Variants in HLCS observed in about 807,000 individuals in gnomAD.
HLCS encodes holocarboxylase synthetase.
HLCS carries 53 observed loss-of-function variants against 75.0 expected under a neutral mutation model. The observed-to-expected ratio is 0.71, with a 90% confidence interval of 0.57 to 0.89. The LOEUF is 0.89. HLCS is among the 40% of genes least tolerant of loss of function. The probability of loss-of-function intolerance (pLI) is 0.00; values close to 1 mark genes in which losing one functional copy is unlikely to be tolerated. For synonymous variants in HLCS, 431 were observed against 428.6 expected (o/e 1.01, Z -0.07); for missense variants, 966 against 1,074.0 (o/e 0.90, Z 1.41).
chr21:36,966,823 G>C (rs971710898), upstream of HLCS, among the ~76,000 whole-genome samples: 4 of 147,330 alleles, frequency 2.7e-5, no homozygotes, highest in African/African-American at 4.9e-5. Context: ...GGAGGGGCGG[G>C]GGGGGGTGAG....
chr21:36,847,536 G>T (rs181649383), intron 6 of HLCS, among the ~76,000 whole-genome samples: 1 of 151,858 alleles, frequency 6.6e-6, no homozygotes, highest in African/African-American at 2.4e-5. Context: ...GATATCTAAG[G>T]TACTGTCAAT....
chr21:36,799,455 T>C (rs1274464323), intron 6 of HLCS, among the ~76,000 whole-genome samples: 7 of 152,188 alleles, frequency 4.6e-5, no homozygotes, highest in Non-Finnish European at 8.8e-5. Context: ...TATGTAAAAA[T>C]TATATCTGAG....
upstream of HLCS, among the ~76,000 whole-genome samples, chr21:36,968,175 G>T (rs749329658): frequency 2.6e-5 from 4 of 152,072 alleles, no homozygotes; most frequent in African/African-American, 9.7e-5. Context: ...TTTTCATAGA[G>T]ACAGGGTCTC....
chr21:36,757,809 C>A (rs973767181), intron 9 of HLCS, among the ~76,000 whole-genome samples: 3 of 152,194 alleles, frequency 2.0e-5, no homozygotes, highest in African/African-American at 7.2e-5. Flanking sequence ...CTCACGTATT[C>A]ATTCATTCAA....
intron 5 of HLCS, among the ~76,000 whole-genome samples, chr21:36,922,867 A>C (rs1255500110): frequency 6.6e-6 from 1 of 152,252 alleles, no homozygotes; most frequent in East Asian, 1.9e-4. Flanking sequence ...CGGCATTCTC[A>C]AATCATTAGC....
chr21:36,754,348 GCCAGAATCGT>G lies in HLCS; in HGVS notation c.2510_2519del (p.Asp837AlafsTer13). 6.2e-7 allele frequency: 1 copy of G among 1,614,062 alleles called. No individual in the cohort carries two copies. Among genetic ancestry groups the G allele is most frequent in the Non-Finnish European group, 8.5e-7 (1 of 1,179,980 alleles). ...CGCCCTCCTGGTGAACCTGGAGGAA[GCCAGAATCGT>G]CCAGGCCAACGATGGACACCTTTGG... On this transcript the variant is annotated frameshift_variant, in exon 11 of 11. Coordinates refer to ENST00000674895, the MANE Select transcript of HLCS (RefSeq NM_001352514.2). LOFTEE classifies it high-confidence loss of function.
intron 6 of HLCS, among the ~76,000 whole-genome samples, chr21:36,810,528 A>G (rs373290880): frequency 2.0e-5 from 3 of 152,124 alleles, no homozygotes; most frequent in African/African-American, 4.8e-5. Context: ...CCTTGTCCCA[A>G]CGAGGTTCTC....
At chr21:36,967,711 C>T (rs960828457), upstream of HLCS, among the ~76,000 whole-genome samples, 1 of 152,192 alleles carries the variant, frequency 6.6e-6, no homozygotes, top group Non-Finnish European at 1.5e-5. Context: ...ATGTCTTAAT[C>T]TAAGGATAGT....
chr21:36,775,906 C>T (rs188835559), intron 6 of HLCS, among the ~76,000 whole-genome samples: 5 of 152,300 alleles, frequency 3.3e-5, no homozygotes, highest in African/African-American at 1.2e-4. Flanking sequence ...CAACTGGTCA[C>T]CTGGAATTCA....
At chr21:36,815,215 G>C (rs1280344663) in intron 6 of HLCS, among the ~76,000 whole-genome samples, 1 of 152,030 alleles carries the variant, frequency 6.6e-6, no homozygotes, top group Non-Finnish European at 1.5e-5. Context: ...TTTTAGTAGA[G>C]ACGGGGTTTC....
chr21:36,808,800 A>G (rs8132325), intron 6 of HLCS, among the ~76,000 whole-genome samples: 23,574 of 152,250 alleles, frequency 0.15, 1,982 homozygotes, highest in Non-Finnish European at 0.18. Context: ...CCTTTAACTG[A>G]AAGAAGTTCC....
chr21:36,878,032 C>T (rs891931839), intron 6 of HLCS, among the ~76,000 whole-genome samples: 2 of 151,840 alleles, frequency 1.3e-5, no homozygotes, highest in African/African-American at 2.4e-5. Flanking sequence ...CTTTGGTCTG[C>T]AGCAGTTGGA....
In HLCS at chr21:36,937,280, C is replaced by G. The variant is rs751290857; in HGVS notation, c.606G>C (p.Gln202His). 19 of 1,614,108 alleles carry G rather than the reference C, an allele frequency of 1.2e-5. No individual in the cohort carries two copies. The highest frequency in any genetic ancestry group is 1.4e-5 in the Non-Finnish European group (16 of 1,180,006). The stretch of plus-strand genomic sequence containing the variant: ...CTCTGCCAACATGCTCCATACCGTC[C>G]TGCTCAGGCTTAATCTCAAGAGAAG... The part of the protein sequence containing the change: ...PEPSLEIKPE[Q>H]DGMEHVGRDD... Residue 202 changes from glutamine (Q) to histidine (H), a missense_variant, in exon 4 of 11, where the codon CAG becomes CAC. Physicochemically the swap from Gln to His is conservative, Grantham distance 24. Coordinates refer to ENST00000674895, the MANE Select transcript of HLCS (RefSeq NM_001352514.2).
chr21:36,803,423 T>C (rs1236657633), intron 6 of HLCS, among the ~76,000 whole-genome samples: 1 of 152,234 alleles, frequency 6.6e-6, no homozygotes, highest in Non-Finnish European at 1.5e-5. Context: ...TTGTATGCAG[T>C]ATTAAATCTG....
chr21:36,838,722 A>G lies in HLCS; in HGVS notation c.1892+58138T>C, dbSNP rs550230438. ...CCGTCTCAAAAGAAAAAAAAAAAAA[A>G]AGAGAGAGACAGAAAAGGAGAAGAC... On this transcript the variant is annotated intron_variant, in intron 6 of 10. Coordinates refer to ENST00000674895, the MANE Select transcript of HLCS (RefSeq NM_001352514.2). 9.1e-4 allele frequency among the ~76,000 whole-genome samples: 138 copies of G among 151,672 alleles called. 2 individuals are homozygous for G. Among genetic ancestry groups the G allele is most frequent in the African/African-American group, 3.0e-3 (123 of 41,328 alleles).
intron 6 of HLCS, among the ~76,000 whole-genome samples, chr21:36,815,823 C>T (rs182656668): frequency 2.0e-5 from 3 of 152,286 alleles, no homozygotes; most frequent in Admixed American, 6.5e-5. Flanking sequence ...AGGGCAAATA[C>T]ATGAGATTTT....
intron 1 of HLCS, chr21:36,973,935 G>A (rs1347542238): frequency 6.6e-6 from 1 of 152,524 alleles, no homozygotes; most frequent in African/African-American, 2.4e-5. Context: ...AGGTTGCAGT[G>A]AGCCAAGATC....
intron 5 of HLCS, among the ~76,000 whole-genome samples, chr21:36,902,791 C>T (rs7276185): frequency 7.3e-5 from 11 of 151,718 alleles, no homozygotes; most frequent in East Asian, 5.8e-4. Flanking sequence ...TTGAGCACCA[C>T]GGAAGGTCAG....
intron 2 of HLCS, chr21:36,948,033 T>C (rs2067485985): frequency 1.0e-6 from 1 of 967,792 alleles, no homozygotes; most frequent in African/African-American, 1.8e-5. Context: ...GGCTCACACC[T>C]GTAATCCCAG....
Sources: gnomAD v4.1 joint callset for allele counts (sites outside exome capture counted in the v4.1 genomes callset) on GRCh38, gnomAD v4.1.1 for gene constraint, MANE v1.5 for transcripts, NCBI Gene and HGNC (gene_info 2026-07-23, HGNC 2026-07-21) for gene names.